The following SLC22A24 variants were observed in gnomAD, a reference collection of about 807,000 sequenced individuals.
The protein encoded by SLC22A24 is solute carrier family 22 member 24, also known as steroid transmembrane transporter SLC22A24.
Under a neutral mutation model 49.8 loss-of-function variants are expected in SLC22A24, and 53 were observed. The observed-to-expected ratio is 1.06, with a 90% CI of 0.85 to 1.34. The LOEUF is 1.34. Among genes scored for constraint, SLC22A24 ranks in the 40% most tolerant of loss-of-function variants. The pLI, the probability that SLC22A24 is intolerant of heterozygous loss-of-function variation, is 0.00. For missense variants in SLC22A24, 786 were observed against 675.9 expected, an observed-to-expected ratio of 1.16 and a Z score of -1.81; for synonymous variants, 302 against 256.4, an observed-to-expected ratio of 1.18 and a Z score of -1.70.
chr11:63,137,793 A>G (rs1425972294), intron 1 of SLC22A24: 3 of 152,174 alleles, frequency 2.0e-5, no homozygotes, highest in Non-Finnish European at 2.9e-5. Context: ...CTATAGCACA[A>G]GTGAGCAGGA....
intron 4 of SLC22A24, among the ~76,000 whole-genome samples, chr11:63,114,875 T>C (rs1435120741): frequency 6.6e-6 from 1 of 152,182 alleles, no homozygotes; most frequent in Non-Finnish European, 1.5e-5. Flanking sequence ...TTTGCCTGGG[T>C]ATCACCAGTG....
intron 6 of SLC22A24, among the ~76,000 whole-genome samples, chr11:63,086,562 A>G (rs2086988018): frequency 6.6e-6 from 1 of 152,226 alleles, no homozygotes; most frequent in Non-Finnish European, 1.5e-5. Context: ...GTTTACCTAT[A>G]TAACAAGCCT....
intron 4 of SLC22A24, among the ~76,000 whole-genome samples, chr11:63,113,416 G>T (rs970928398): frequency 6.6e-6 from 1 of 151,576 alleles, no homozygotes; most frequent in Non-Finnish European, 1.5e-5. Flanking sequence ...CATGTTTAGT[G>T]CTTCCTTCAG....
chr11:63,128,674 C>G (rs990043150), intron 2 of SLC22A24, among the ~76,000 whole-genome samples: 1 of 151,526 alleles, frequency 6.6e-6, no homozygotes, highest in Non-Finnish European at 1.5e-5. Context: ...TCCTCTCTCT[C>G]TCTCTGTCTG....
At chr11:63,105,129 G>A (rs1484156186) in intron 4 of SLC22A24, among the ~76,000 whole-genome samples, 2 of 152,342 alleles carry the variant, frequency 1.3e-5, no homozygotes, top group African/African-American at 2.4e-5. Context: ...TCATGCCGAT[G>A]CAAGGGGTGG....
chr11:63,103,061 T>A (rs938036424), intron 5 of SLC22A24, among the ~76,000 whole-genome samples: 1 of 152,180 alleles, frequency 6.6e-6, no homozygotes, highest in Admixed American at 6.6e-5. Flanking sequence ...ACTTTGAGCA[T>A]ATGCTATAAT....
rs189506041 is a variant in SLC22A24 at position 63,143,615 on chromosome 11, G to A, written c.165C>T (p.Asp55=). The A allele has an allele frequency of 1.9e-5, 30 of 1,583,946 alleles. No individual in the cohort carries two copies. The South Asian group carries it at 2.0e-4, about 10-fold the overall frequency. Residue 55 remains aspartate, a synonymous_variant, in exon 1 of 10, where the codon GAC becomes GAT. Transcript: ENST00000612278. ...PSHRCWVPLL[D]NDTVSDNDTG... ...TATCATTGTCAGACACAGTGTCATT[G>A]TCCAGGAGGGGGACCCAGCAGCGAT...
At chr11:63,108,340 A>G (rs1253138332) in intron 4 of SLC22A24, among the ~76,000 whole-genome samples, 2 of 152,108 alleles carry the variant, frequency 1.3e-5, no homozygotes, top group South Asian at 2.1e-4. Context: ...TTTTGCCAGT[A>G]TTTTATTGAG....
chr11:63,091,098 A>G (rs958710004), intron 6 of SLC22A24, among the ~76,000 whole-genome samples: 1 of 152,168 alleles, frequency 6.6e-6, no homozygotes, highest in African/African-American at 2.4e-5. Context: ...ACAGAAGTAC[A>G]AACTACCATC....
intron 1 of SLC22A24, 124 bp downstream of exon 1, chr11:63,143,254 G>T (rs2087427772): frequency 6.8e-6 from 5 of 731,116 alleles, no homozygotes; most frequent in Non-Finnish European, 9.9e-6. Flanking sequence ...CCTGCTAAAG[G>T]AATGAAGAAT....
At chr11:63,132,785 G>C in intron 2 of SLC22A24, among the ~76,000 whole-genome samples, 1 of 152,196 alleles carries the variant, frequency 6.6e-6, no homozygotes, top group East Asian at 1.9e-4. Context: ...GAGGCAGCCT[G>C]TCTTTTCTCA....
intron 5 of SLC22A24, 22 bp downstream of exon 5, chr11:63,104,153 T>A (rs1293969949): frequency 6.5e-7 from 1 of 1,547,222 alleles, no homozygotes; most frequent in South Asian, 1.2e-5. Context: ...ATCACAGCAA[T>A]CATTTCCCCT....
intron 5 of SLC22A24, among the ~76,000 whole-genome samples, chr11:63,096,846 C>T (rs2087057718): frequency 6.6e-6 from 1 of 152,100 alleles, no homozygotes; most frequent in Non-Finnish European, 1.5e-5. Flanking sequence ...AATTTCAGCC[C>T]TGCCATTTGA....
At position 63,143,505 on chromosome 11, in the gene SLC22A24, A is replaced by T; in HGVS notation, c.275T>A (p.Ile92Asn). ...GTGAAGGAGCTGCCACTGGGGATGG[A>T]TAAAGCGCTGACACTTCTGTGGCCT... Reference protein sequence around the residue: ...NLRPQKCQRFIHPQWQLLHLN... With the variant: ...NLRPQKCQRFNHPQWQLLHLN... The change falls in exon 1 of 10, where the codon ATC becomes AAC. Residue 92 changes from isoleucine (I) to asparagine (N), a missense_variant. Ile to Asn is a moderately radical substitution (Grantham distance 149). Coordinates refer to ENST00000612278, the MANE Select transcript of SLC22A24 (RefSeq NM_001136506.2). The T allele has an allele frequency of 6.2e-7, 1 of 1,601,072 alleles. No homozygotes were observed. The highest frequency in any genetic ancestry group is 8.5e-7 in the Non-Finnish European group (1 of 1,174,084).
At chr11:63,132,951 T>A (rs568632979) in intron 2 of SLC22A24, among the ~76,000 whole-genome samples, 2 of 152,318 alleles carry the variant, frequency 1.3e-5, no homozygotes, top group South Asian at 4.1e-4. Flanking sequence ...GGAGCTACGG[T>A]GGGCTCTGCC....
intron 6 of SLC22A24, among the ~76,000 whole-genome samples, chr11:63,087,024 G>GCGCACACACACACACACACA (rs376936925): frequency 4.3e-4 from 57 of 132,628 alleles, no homozygotes; most frequent in African/African-American, 1.6e-3. Context: ...CCTGGAGGGC[G>GCGCACACACACACACACACA]CACACACACA....
intron 5 of SLC22A24, among the ~76,000 whole-genome samples, chr11:63,096,872 A>G (rs969382464): frequency 2.6e-5 from 4 of 152,160 alleles, no homozygotes; most frequent in African/African-American, 9.7e-5. Flanking sequence ...TACTTATCTC[A>G]GGTGCTTAGT....
intron 2 of SLC22A24, among the ~76,000 whole-genome samples, chr11:63,131,993 T>TC (rs1403315892): frequency 6.6e-6 from 1 of 152,222 alleles, no homozygotes; most frequent in Non-Finnish European, 1.5e-5. Context: ...CACTCTTTTT[T>TC]CTCTAATCTT....
chr11:63,140,771 T>C (rs2087410075), intron 1 of SLC22A24, among the ~76,000 whole-genome samples: 1 of 152,202 alleles, frequency 6.6e-6, no homozygotes, highest in Non-Finnish European at 1.5e-5. Flanking sequence ...GCGTAGGGAA[T>C]GTGTTTTTGG....
Sources: gnomAD v4.1 joint callset for allele counts (sites outside exome capture counted in the v4.1 genomes callset) on GRCh38, gnomAD v4.1.1 for gene constraint, MANE v1.5 for transcripts, NCBI Gene and HGNC (gene_info 2026-07-23, HGNC 2026-07-21) for gene names.